The following GRAMD2B variants were observed in gnomAD, a reference collection of about 807,000 sequenced individuals.
GRAMD2B encodes GRAM domain containing 2B, also known as GRAM domain-containing protein 2B.
In GRAMD2B, 41 loss-of-function variants were observed where a neutral mutation model predicts 59.2. The ratio of observed to expected loss-of-function variants is 0.69; its 90% CI spans 0.54 to 0.90. The LOEUF (loss-of-function observed/expected upper bound fraction) is 0.90. Ranked by LOEUF, GRAMD2B falls within the 40% of genes least tolerant of loss-of-function variation. The pLI, the probability that GRAMD2B is intolerant of heterozygous loss-of-function variation, is 0.00. For missense variants in GRAMD2B, 424 were observed against 500.5 expected, an observed-to-expected ratio of 0.85 and a Z score of 1.46; for synonymous variants, 161 against 182.7, an observed-to-expected ratio of 0.88 and a Z score of 0.96.
At chr5:126,408,897 T>G (rs13175527) in intron 1 of GRAMD2B, among the ~76,000 whole-genome samples, 1 of 140,080 alleles carries the variant, frequency 7.1e-6, no homozygotes, top group Non-Finnish European at 1.5e-5. Context: ...TGTCCATGTG[T>G]TCTCATTGTT....
At chr5:126,492,501 A>G (rs1774128583) in intron 13 of GRAMD2B, among the ~76,000 whole-genome samples, 1 of 151,856 alleles carries the variant, frequency 6.6e-6, no homozygotes, top group Admixed American at 6.6e-5. Flanking sequence ...CAGGAGGATC[A>G]CTTGAGCCCA....
chr5:126,439,492 A>AATTTTTAT (rs1484856627), intron 1 of GRAMD2B, among the ~76,000 whole-genome samples: 23 of 151,836 alleles, frequency 1.5e-4, no homozygotes, highest in African/African-American at 5.6e-4. Flanking sequence ...ATGCCCAAAA[A>AATTTTTAT]ATTTTTATAT....
At chr5:126,486,812 T>A in intron 11 of GRAMD2B, 61 bp from the exon 12 acceptor site, 1 of 1,042,464 alleles carries the variant, frequency 9.6e-7, no homozygotes. Context: ...ACTGAGTTGT[T>A]TTATGAACAT....
intron 1 of GRAMD2B, among the ~76,000 whole-genome samples, chr5:126,464,229 G>A (rs765825256): frequency 6.6e-6 from 1 of 152,184 alleles, no homozygotes; most frequent in Non-Finnish European, 1.5e-5. Context: ...GTCATATGCA[G>A]GTGAGACTAC....
chr5:126,441,906 ATC>A lies in GRAMD2B; in HGVS notation c.83+18221_83+18222del, dbSNP rs112686499. On this transcript the variant is annotated intron_variant, in intron 1 of 13. Coordinates refer to ENST00000285689, the MANE Select transcript of GRAMD2B (RefSeq NM_023927.4). ...TGGTCATAGGATTATATCTGCTGAA[ATC>A]TCTGTTTCCTCGCGTTAAAAATTTT... is the stretch of plus-strand genomic sequence containing the variant. Among the ~76,000 whole-genome samples, 350 of 152,190 alleles carry A rather than the reference ATC, an allele frequency of 2.3e-3. 3 individuals carry two copies. Among genetic ancestry groups the A allele is most frequent in the African/African-American group, 8.0e-3 (333 of 41,506 alleles).
chr5:126,470,379 C>G (rs1323039868), intron 3 of GRAMD2B, among the ~76,000 whole-genome samples: 3 of 152,034 alleles, frequency 2.0e-5, no homozygotes, highest in Non-Finnish European at 4.4e-5. Flanking sequence ...TTCCTAAGAG[C>G]TAAACCAAAA....
rs1235003155 is a variant in GRAMD2B, at chr5:126,493,782, A to G, written c.*826A>G. The G allele has an allele frequency of 6.6e-6, 1 of 152,634 alleles. No individual in the cohort carries two copies. The highest frequency in any genetic ancestry group is 2.4e-5 in the African/African-American group (1 of 41,454). The allele number at this position is 152,634 out of a possible 1,614,324, so 9.5% of individuals were successfully genotyped here. On this transcript the variant is annotated 3_prime_UTR_variant, in exon 14 of 14. Coordinates refer to ENST00000285689, the MANE Select transcript of GRAMD2B (RefSeq NM_023927.4). ...ACTGAATTTTTAAGACTGTAGGTGG[A>G]CTATGTTAGTAGTTTTCAAGCAGGA...
At chr5:126,421,793 G>C (rs867133298), upstream of GRAMD2B, among the ~76,000 whole-genome samples, 8 of 152,108 alleles carry the variant, frequency 5.3e-5, no homozygotes, top group South Asian at 2.1e-4. Context: ...AGAAGGTTAG[G>C]TGTTTTACAC....
chr5:126,423,042 A>G, upstream of GRAMD2B: 1 of 435,784 alleles, frequency 2.3e-6, no homozygotes, highest in Non-Finnish European at 3.0e-6. Flanking sequence ...GCAGTCCCTC[A>G]ATGAAGCAAT....
intron 13 of GRAMD2B, 37 bp from the exon 14 acceptor site, chr5:126,492,878 T>C: frequency 7.5e-7 from 1 of 1,342,184 alleles, no homozygotes; most frequent in Non-Finnish European, 1.1e-6. Flanking sequence ...TACTCCATTC[T>C]ATTTAATAAT....
intron 1 of GRAMD2B, among the ~76,000 whole-genome samples, chr5:126,410,530 C>T (rs1028643725): frequency 7.2e-5 from 11 of 151,972 alleles, no homozygotes; most frequent in Non-Finnish European, 1.3e-4. Context: ...GATTTTTGTA[C>T]ATTGATTTTG....
At chr5:126,439,081 T>G (rs1002696559) in intron 1 of GRAMD2B, among the ~76,000 whole-genome samples, 2 of 152,124 alleles carry the variant, frequency 1.3e-5, no homozygotes, top group Non-Finnish European at 2.9e-5. Context: ...TCAGTAAAGG[T>G]TGCTGGTGAT....
At chr5:126,386,603 ACT>A (rs1756163396) in intron 1 of GRAMD2B, among the ~76,000 whole-genome samples, 1 of 152,082 alleles carries the variant, frequency 6.6e-6, no homozygotes, top group Non-Finnish European at 1.5e-5. Context: ...CACCACAAAA[ACT>A]CTGAATATTT....
intron 1 of GRAMD2B, among the ~76,000 whole-genome samples, chr5:126,448,667 C>G (rs75108770): frequency 0.041 from 6,231 of 151,914 alleles, 183 homozygotes; most frequent in Non-Finnish European, 0.064. Context: ...CTAAGCCAAC[C>G]AAATTAGGGA....
At chr5:126,480,256 C>A in intron 6 of GRAMD2B, 200 bp from the exon 7 acceptor site, 1 of 538,802 alleles carries the variant, frequency 1.9e-6, no homozygotes, top group Non-Finnish European at 3.3e-6. Flanking sequence ...GATTTTGTTG[C>A]TTTTATGGGA....
At position 126,397,754 on chromosome 5, in the gene GRAMD2B, T is replaced by C. The variant is rs150601747; in HGVS notation, c.125+26187T>C. Among the ~76,000 whole-genome samples the C allele has an allele frequency of 3.5e-3, 539 of 152,284 alleles. 5 individuals are homozygous for C. Among genetic ancestry groups the C allele is most frequent in the South Asian group, 0.014 (66 of 4,822 alleles). On this transcript the variant is annotated intron_variant, in intron 1 of 8. Coordinates refer to the GRAMD2B transcript ENST00000506445. ...TAATCATGATATATGGTCCTTTTAATGTACTATAAAATTTAGTTTGCTAGT... is the reference window on the plus strand; with the variant it reads ...TAATCATGATATATGGTCCTTTTAACGTACTATAAAATTTAGTTTGCTAGT...
intron 1 of GRAMD2B, among the ~76,000 whole-genome samples, chr5:126,410,232 A>G (rs1758660432): frequency 5.3e-5 from 8 of 151,980 alleles, no homozygotes; most frequent in Admixed American, 2.6e-4. Context: ...GAAGAACGTC[A>G]TTGGTAGCTT....
At position 126,375,505 on chromosome 5, in the gene GRAMD2B, G is replaced by A. The variant is rs572781828; in HGVS notation, c.125+3938G>A. On this transcript the variant is annotated intron_variant, in intron 1 of 8. Coordinates refer to the GRAMD2B transcript ENST00000506445. ...CTGCCTCAGCCTCCCGAGTGGCTGGGACTACAGGCGCCTGCCACCACACCT... is the reference window on the plus strand; with the variant it reads ...CTGCCTCAGCCTCCCGAGTGGCTGGAACTACAGGCGCCTGCCACCACACCT... Among the ~76,000 whole-genome samples the A allele has an allele frequency of 3.4e-3, 520 of 151,974 alleles. 4 individuals carry two copies. Among genetic ancestry groups the A allele is most frequent in the Admixed American group, 6.7e-3 (102 of 15,276 alleles).
rs990072305 is a variant in GRAMD2B, at chr5:126,416,600, A to G, written c.125+45033A>G. Among the ~76,000 whole-genome samples, 12 of 152,188 alleles carry G rather than the reference A, an allele frequency of 7.9e-5. No homozygotes were observed. In the East Asian group the frequency reaches 2.3e-3, roughly 29 times the overall value. ...GATAATAAACCAAGGGACAGAAAAC[A>G]TCTTCTCTGAGATTCCATCCTTCTC... On this transcript the variant is annotated intron_variant, in intron 1 of 8. Coordinates refer to the GRAMD2B transcript ENST00000506445.
Sources: gnomAD v4.1 joint callset for allele counts (sites outside exome capture counted in the v4.1 genomes callset) on GRCh38, gnomAD v4.1.1 for gene constraint, MANE v1.5 for transcripts, NCBI Gene and HGNC (gene_info 2026-07-23, HGNC 2026-07-21) for gene names.